Variants in MTG2 observed in about 807,000 individuals in gnomAD.
MTG2 encodes mitochondrial ribosome-associated GTPase 2.
A neutral mutation model predicts 28.6 loss-of-function variants in MTG2; 23 were observed. The ratio of observed to expected loss-of-function variants is 0.80; its 90% CI spans 0.58 to 1.14. The LOEUF is 1.14. MTG2 is among the 50% of genes most tolerant of loss of function. MTG2 has a pLI of 0.00. For missense variants in MTG2, 539 were observed against 552.0 expected (o/e 0.98, Z 0.24); for synonymous variants, 260 against 251.8 (o/e 1.03, Z -0.31).
rs906574041 is a variant in MTG2 at position 62,202,785 on chromosome 20, G to A, written c.*1708G>A. 2 of 151,952 alleles carry A rather than the reference G, an allele frequency of 1.3e-5. No homozygotes were observed. Among genetic ancestry groups the A allele is most frequent in the Non-Finnish European group, 2.9e-5 (2 of 68,260 alleles). 9.4% of individuals were successfully genotyped at this position (151,952 alleles called of 1,614,324 possible). A position where few individuals can be genotyped will look rare whatever the true frequency, so the allele number is the denominator to read the frequency against. On this transcript the variant is annotated 3_prime_UTR_variant, in exon 7 of 7. Transcript: ENST00000370823. ...AAAAAAAAGTGGAGGGGACAAAGAA[G>A]CAGAGAAGGATGATCAGAAGGGGAC...
intron 1 of MTG2, among the ~76,000 whole-genome samples, chr20:62,186,676 G>A (rs147132005): frequency 0.012 from 1,779 of 151,994 alleles, 39 homozygotes; most frequent in African/African-American, 0.041. Context: ...CTACAGGCAC[G>A]TGCCACCACG....
Position 62,198,833 on chromosome 20 carries a change from C to T in MTG2, c.668C>T (p.Thr223Met), listed in dbSNP as rs143002141. ...QQRVLHLELK[T>M]VAHAGMVGFP... is the part of the protein sequence containing the mutation. ...CGAGTTCTCCACCTGGAGCTCAAGA[C>T]GGTGGCCCACGCCGGAATGGTAGGT... The change falls in exon 5 of 7, where the codon ACG (threonine) becomes ATG (methionine). Residue 223 changes from threonine (T) to methionine (M), a missense_variant. Transcript: ENST00000370823. 2.1e-3 allele frequency: 3,424 copies of T among 1,614,098 alleles called. 6 individuals carry two copies. Among genetic ancestry groups the T allele is most frequent in the Non-Finnish European group, 2.7e-3 (3,177 of 1,180,048 alleles).
intron 1 of MTG2, among the ~76,000 whole-genome samples, chr20:62,186,147 AC>A (rs1284499410): frequency 6.6e-6 from 1 of 151,842 alleles, no homozygotes; most frequent in African/African-American, 2.4e-5. Flanking sequence ...TTTTTCCCCA[AC>A]CTGTTTTTAT....
intron 4 of MTG2, 185 bp downstream of exon 4, chr20:62,198,152 G>A: frequency 1.7e-6 from 1 of 595,280 alleles, no homozygotes; most frequent in Non-Finnish European, 3.0e-6. Context: ...ACCCAGACGG[G>A]CATTTGTACC....
rs1020054774 is a variant in MTG2, at chr20:62,196,695, C to CA, written c.352+754dup. Among the ~76,000 whole-genome samples, 7 of 151,334 alleles carry CA rather than the reference C, an allele frequency of 4.6e-5. No homozygotes were observed. The South Asian group carries it at 6.3e-4, about 14-fold the overall frequency. On this transcript the variant is annotated intron_variant, in intron 3 of 6. Transcript: ENST00000370823. ...AAAAAAACAAAACAAAACAAACAAA[C>CA]AAAAAAAACCCTGATGTATGGATAT... is the stretch of plus-strand genomic sequence containing the variant.
Position 62,200,712 on chromosome 20 carries a change from G to A in MTG2, c.856G>A (p.Ala286Thr), listed in dbSNP as rs778892688. The change falls in exon 7 of 7, where the codon GCC becomes ACC. Residue 286 changes from alanine to threonine, a missense_variant. Transcript: ENST00000370823. Reference protein sequence around the residue: ...VADIPGIIRGAHQNRGLGSAF... With the variant: ...VADIPGIIRGTHQNRGLGSAF... ...CGACATCCCCGGCATCATACGAGGC[G>A]CCCACCAGAACAGGGGTCTGGGGTC... 25 of 1,611,938 alleles carry A rather than the reference G, an allele frequency of 1.6e-5. No homozygotes were observed. The highest frequency in any genetic ancestry group is 2.7e-5 in the African/African-American group (2 of 74,854).
At chr20:62,191,554 C>T (rs538246703) in intron 1 of MTG2, among the ~76,000 whole-genome samples, 69 of 152,156 alleles carry the variant, frequency 4.5e-4, no homozygotes, top group Non-Finnish European at 7.8e-4. Flanking sequence ...AGTGACCCCC[C>T]CAAAGGAGGT....
At position 62,197,935 on chromosome 20, in the gene MTG2, T is replaced by C. The variant is rs1361937781; in HGVS notation, c.436T>C (p.Phe146Leu). ...AGAAGATGGAGGGAGTAAAAACTGCTTCGGGCGCAGTGGCGCCGTCCTCTA... is the reference window on the plus strand; with the variant it reads ...AGAAGATGGAGGGAGTAAAAACTGCCTCGGGCGCAGTGGCGCCGTCCTCTA... ...SGEDGGSKNC[F>L]GRSGAVLYIR... Residue 146 changes from phenylalanine to leucine, a missense_variant, in exon 4 of 7, where the codon TTC becomes CTC. Physicochemically the swap from Phe to Leu is conservative, Grantham distance 22. Coordinates refer to ENST00000370823, the MANE Select transcript of MTG2 (RefSeq NM_015666.4). The C allele has an allele frequency of 1.2e-6, 2 of 1,614,162 alleles. No individual in the cohort carries two copies. The highest frequency in any genetic ancestry group is 2.7e-5 in the African/African-American group (2 of 75,064).
chr20:62,194,584 A>T (rs6089682), intron 2 of MTG2, among the ~76,000 whole-genome samples: 35,048 of 152,200 alleles, frequency 0.23, 4,265 homozygotes, highest in South Asian at 0.39. Context: ...TTAAATTTTT[A>T]AATTTTTTTT....
rs1168554840 is a variant in MTG2 at position 62,200,859 on chromosome 20, C to T, written c.1003C>T (p.Leu335=). 5 of 1,613,916 alleles carry T rather than the reference C, an allele frequency of 3.1e-6. No individual in the cohort carries two copies. The highest frequency in any genetic ancestry group is 4.2e-6 in the Non-Finnish European group (5 of 1,180,058). ...KYELEMYEKG[L]SARPHAIVAN... is the part of the protein sequence containing the mutation. The stretch of plus-strand genomic sequence containing the variant: ...TGAACTGGAGATGTATGAAAAGGGC[C>T]TGTCTGCGAGGCCCCACGCAATCGT... The change falls in exon 7 of 7, where the codon CTG becomes TTG. Residue 335 remains leucine (L), a synonymous_variant. Transcript: ENST00000370823.
rs1436486165 is a variant in MTG2, at chr20:62,203,153, A to T, written c.*2076A>T. 6.6e-6 allele frequency: 1 copy of T among 152,140 alleles called. No homozygotes were observed. Among genetic ancestry groups the T allele is most frequent in the Admixed American group, 6.5e-5 (1 of 15,278 alleles). 9.4% of individuals were successfully genotyped at this position (152,140 alleles called of 1,614,324 possible). ...TTAATTATCCCTGGCTTTCATCTTGATGCTCTTGCAGGGGAGGCTCAAGAT... is the reference window on the plus strand; with the variant it reads ...TTAATTATCCCTGGCTTTCATCTTGTTGCTCTTGCAGGGGAGGCTCAAGAT... On this transcript the variant is annotated 3_prime_UTR_variant, in exon 7 of 7. Transcript: ENST00000370823.
In MTG2 at chr20:62,196,625, GT is replaced by G. The variant is rs1255979450; in HGVS notation, c.352+677del. On this transcript the variant is annotated intron_variant, in intron 3 of 6. Transcript: ENST00000370823. The stretch of plus-strand genomic sequence containing the variant: ...GTCGAGGTTGCAGTGAGCTCCGATT[GT>G]GCTGCTGCACTCCAGCCTGGCCAAC... Among the ~76,000 whole-genome samples the G allele has an allele frequency of 1.3e-5, 2 of 151,966 alleles. 1 individual carries two copies. The highest frequency in any genetic ancestry group is 4.8e-5 in the African/African-American group (2 of 41,358).
intron 1 of MTG2, among the ~76,000 whole-genome samples, chr20:62,192,406 T>C (rs890298065): frequency 6.6e-6 from 1 of 152,166 alleles, no homozygotes; most frequent in Non-Finnish European, 1.5e-5. Context: ...ATAGGAGCCT[T>C]TGTCCCCAGG....
At chr20:62,186,534 T>TTG (rs1555831116) in intron 1 of MTG2, among the ~76,000 whole-genome samples, 5 of 145,856 alleles carry the variant, frequency 3.4e-5, no homozygotes, top group African/African-American at 5.0e-5. Context: ...TTTTGTTTTT[T>TTG]TTTTTTTTTT....
At position 62,201,728 on chromosome 20, in the gene MTG2, C is replaced by T. The variant is rs967155037; in HGVS notation, c.*651C>T. The T allele has an allele frequency of 6.6e-6, 1 of 152,368 alleles. No individual in the cohort carries two copies. Among genetic ancestry groups the T allele is most frequent in the Non-Finnish European group, 1.5e-5 (1 of 68,148 alleles). The allele number at this position is 152,368 out of a possible 1,614,324, so 9.4% of individuals were successfully genotyped here. A position where few individuals can be genotyped will look rare whatever the true frequency, so the allele number is the denominator to read the frequency against. On this transcript the variant is annotated 3_prime_UTR_variant, in exon 7 of 7. Coordinates refer to ENST00000370823, the MANE Select transcript of MTG2 (RefSeq NM_015666.4). ...AGCAGTGAGGCCAGCTGCTTCCTGT[C>T]CTTCAGAACACTTCTCTGTGCTCAG...
At chr20:62,190,051 T>C (rs542558945) in intron 1 of MTG2, among the ~76,000 whole-genome samples, 1 of 152,322 alleles carries the variant, frequency 6.6e-6, no homozygotes, top group Admixed American at 6.5e-5. Context: ...TGTTTTTTGT[T>C]TGTTTGTTCT....
At chr20:62,194,828 G>C (rs1005714511) in intron 2 of MTG2, among the ~76,000 whole-genome samples, 1 of 152,196 alleles carries the variant, frequency 6.6e-6, no homozygotes, top group South Asian at 2.1e-4. Context: ...TGTGGTAGGA[G>C]CTGTTGTGTG....
chr20:62,196,017 A>G, intron 3 of MTG2, 68 bp downstream of exon 3: 1 of 1,573,810 alleles, frequency 6.4e-7, no homozygotes, highest in Non-Finnish European at 8.6e-7. Context: ...ATTTGAACTA[A>G]AAACCTGATG....
At position 62,193,472 on chromosome 20, in the gene MTG2, G is replaced by C; in HGVS notation, c.52G>C (p.Val18Leu). ...SARLRTVFQG[V>L]GHWALSTWAG... ...AAGATTGAGGACCGTGTTTCAGGGC[G>C]TGGGGCATTGGGCTTTGTCCACATG... Residue 18 changes from valine (V) to leucine (L), a missense_variant, in exon 2 of 7, where the codon GTG becomes CTG. Transcript: ENST00000370823. 6.2e-7 allele frequency: 1 copy of C among 1,614,218 alleles called. No individual in the cohort carries two copies. Among genetic ancestry groups the C allele is most frequent in the South Asian group, 1.1e-5 (1 of 91,082 alleles).
Sources: gnomAD v4.1 joint callset for allele counts (sites outside exome capture counted in the v4.1 genomes callset) on GRCh38, gnomAD v4.1.1 for gene constraint, MANE v1.5 for transcripts, NCBI Gene and HGNC (gene_info 2026-07-23, HGNC 2026-07-21) for gene names.